The following MAP4K3 variants were observed in gnomAD, a reference collection of about 807,000 sequenced individuals.
MAP4K3 encodes MAPK/ERK kinase kinase kinase 3.
In MAP4K3, 94 loss-of-function variants were observed where a neutral mutation model predicts 143.5. The observed-to-expected ratio is 0.65, with a 90% CI of 0.55 to 0.78. The LOEUF (loss-of-function observed/expected upper bound fraction) is 0.78, where lower values mean the gene tolerates loss of function less well. MAP4K3 is among the 30% of genes least tolerant of loss of function. The pLI is 0.00. For missense variants in MAP4K3, 1,077 were observed against 1,068.1 expected (o/e 1.01, Z -0.12); for synonymous variants, 416 against 347.2 (o/e 1.20, Z -2.20).
intron 33 of MAP4K3, 31 bp downstream of exon 33, chr2:39,251,799 A>G (rs756898021): frequency 1.3e-6 from 2 of 1,576,764 alleles, no homozygotes; most frequent in South Asian, 2.2e-5. Flanking sequence ...CACGTTTAGT[A>G]CTGTGTATTT....
intron 1 of MAP4K3, among the ~76,000 whole-genome samples, chr2:39,391,920 C>A (rs1053035360): frequency 6.6e-6 from 1 of 152,032 alleles, no homozygotes; most frequent in Admixed American, 6.5e-5. Context: ...CGGTGGCTCA[C>A]ATCTGTAATC....
intron 1 of MAP4K3, among the ~76,000 whole-genome samples, chr2:39,428,717 A>G (rs933638839): frequency 6.6e-5 from 10 of 151,908 alleles, no homozygotes; most frequent in African/African-American, 1.5e-4. Context: ...GAAAAAATGG[A>G]TATCTTTTTA....
chr2:39,408,368 G>C (rs1184980257), intron 1 of MAP4K3, among the ~76,000 whole-genome samples: 1 of 152,044 alleles, frequency 6.6e-6, no homozygotes, highest in Non-Finnish European at 1.5e-5. Flanking sequence ...AGATCAGGGG[G>C]TCATAAGGAC....
At chr2:39,265,167 A>C (rs113417070) in intron 28 of MAP4K3, 36 bp downstream of exon 28, 18,826 of 1,304,710 alleles carry the variant, frequency 0.014, 165 homozygotes, top group Non-Finnish European at 0.017. Context: ...ACAAGCTTTT[A>C]TAGTAAGAAT....
intron 4 of MAP4K3, among the ~76,000 whole-genome samples, chr2:39,342,036 C>T (rs1243132871): frequency 6.6e-6 from 1 of 151,902 alleles, no homozygotes; most frequent in South Asian, 2.1e-4. Context: ...CAAGAGTGAT[C>T]ACACATGAGT....
intron 1 of MAP4K3, among the ~76,000 whole-genome samples, chr2:39,406,414 A>C (rs1667094011): frequency 6.6e-6 from 1 of 152,178 alleles, no homozygotes; most frequent in South Asian, 2.1e-4. Flanking sequence ...AACCCAAAGA[A>C]GACTACCTCA....
chr2:39,316,279 A>C (rs1187808701), intron 12 of MAP4K3, among the ~76,000 whole-genome samples: 2 of 152,162 alleles, frequency 1.3e-5, no homozygotes, highest in African/African-American at 4.8e-5. Flanking sequence ...AGATTTGTCA[A>C]GGGCTCCAAC....
chr2:39,280,060 T>C (rs1205272309), intron 23 of MAP4K3, among the ~76,000 whole-genome samples: 2 of 152,178 alleles, frequency 1.3e-5, no homozygotes, highest in Admixed American at 6.5e-5. Flanking sequence ...TATACTGATA[T>C]GGTAACTATA....
At chr2:39,294,768 C>G (rs1354779694) in intron 16 of MAP4K3, among the ~76,000 whole-genome samples, 1 of 152,162 alleles carries the variant, frequency 6.6e-6, no homozygotes, top group East Asian at 1.9e-4. Flanking sequence ...TTAGTATTTT[C>G]TTTATTACTA....
rs59479315 is a variant in MAP4K3, at chr2:39,269,470, CTTTTTTTT to C, written c.1974-2231_1974-2224del. 7.9e-4 allele frequency among the ~76,000 whole-genome samples: 71 copies of C among 89,676 alleles called. 2 individuals carry two copies. The highest frequency in any genetic ancestry group is 4.5e-4 in the Admixed American group (3 of 6,654). The allele number at this position is 89,676 out of a possible 152,430, so 58.8% of individuals were successfully genotyped here. A position where few individuals can be genotyped will look rare whatever the true frequency, so the allele number is the denominator to read the frequency against. On this transcript the variant is annotated intron_variant, in intron 26 of 33. Transcript: ENST00000263881. ...CTGAAGCTTAGATTTTTGCTCAGGTCTTTTTTTTTTTTTTTTTTTTTGGAGACAGGGTC... is the reference window on the plus strand; with the variant it reads ...CTGAAGCTTAGATTTTTGCTCAGGTCTTTTTTTTTTTTTGGAGACAGGGTC...
In MAP4K3 at chr2:39,417,507, C is replaced by T. The variant is rs149140533; in HGVS notation, c.96+19385G>A. On this transcript the variant is annotated intron_variant, in intron 1 of 33. Transcript: ENST00000263881. ...TGCTGGGATTACAGGCGTGAGCCAC[C>T]GCACCCGCCCGAAAGCCAGGTTTCT... 3.6e-4 allele frequency among the ~76,000 whole-genome samples: 54 copies of T among 151,822 alleles called. No individual in the cohort carries two copies. The East Asian group carries it at 6.4e-3, about 18-fold the overall frequency.
chr2:39,416,352 T>G (rs1667378780), intron 1 of MAP4K3, among the ~76,000 whole-genome samples: 2 of 152,140 alleles, frequency 1.3e-5, no homozygotes, highest in Non-Finnish European at 2.9e-5. Flanking sequence ...CTTGACTTGA[T>G]CGGCAGCCAA....
intron 12 of MAP4K3, among the ~76,000 whole-genome samples, chr2:39,319,599 A>C (rs1434553767): frequency 6.6e-6 from 1 of 152,184 alleles, no homozygotes; most frequent in Non-Finnish European, 1.5e-5. Context: ...ATGATAGTAA[A>C]ATCTCAAGTA....
At chr2:39,303,239 C>T (rs1021120346) in intron 15 of MAP4K3, 4 of 166,298 alleles carry the variant, frequency 2.4e-5, no homozygotes, top group African/African-American at 4.8e-5. Flanking sequence ...GTTAGTGAGA[C>T]ACTTTTTAAC....
chr2:39,341,515 G>A (rs1179147097), intron 4 of MAP4K3, among the ~76,000 whole-genome samples: 1 of 151,898 alleles, frequency 6.6e-6, no homozygotes, highest in East Asian at 1.9e-4. Context: ...AAATTAGCCG[G>A]TGTGGTGGCA....
At chr2:39,414,876 CAA>C (rs1179200267) in intron 1 of MAP4K3, among the ~76,000 whole-genome samples, 3 of 128,830 alleles carry the variant, frequency 2.3e-5, no homozygotes, top group Middle Eastern at 4.1e-3. Context: ...GACTCCAACT[CAA>C]AAAAAAAAAA....
intron 31 of MAP4K3, among the ~76,000 whole-genome samples, chr2:39,256,669 T>C (rs1330451268): frequency 6.6e-6 from 1 of 152,256 alleles, no homozygotes; most frequent in Non-Finnish European, 1.5e-5. Context: ...CATAAGATTA[T>C]AATTTTTGTT....
chr2:39,432,108 T>C (rs899554789), intron 1 of MAP4K3, among the ~76,000 whole-genome samples: 1 of 152,234 alleles, frequency 6.6e-6, no homozygotes, highest in African/African-American at 2.4e-5. Context: ...CCAAGCCTTG[T>C]CATTTCTGCT....
At chr2:39,352,918 G>A (rs975873679) in intron 3 of MAP4K3, among the ~76,000 whole-genome samples, 1 of 138,854 alleles carries the variant, frequency 7.2e-6, no homozygotes, top group African/African-American at 2.7e-5. Context: ...CAACATAGAA[G>A]GAAGAATGTT....
Sources: allele counts gnomAD v4.1 joint callset (sites outside exome capture counted in the v4.1 genomes callset), GRCh38; gene constraint gnomAD v4.1.1; transcripts MANE v1.5; gene names NCBI Gene and HGNC (gene_info 2026-07-23, HGNC 2026-07-21).